Variants in ZNF548 observed in about 807,000 individuals in gnomAD.
ZNF548 encodes the protein zinc finger protein 548.
Under a neutral mutation model 10.2 loss-of-function variants are expected in ZNF548, and 10 were observed. That is an observed-to-expected ratio of 0.98 (90% confidence interval 0.60 to 1.66). ZNF548 has a LOEUF of 1.66. Ranked by LOEUF, ZNF548 falls within the 40% of genes most tolerant of loss-of-function variation. The probability of loss-of-function intolerance (pLI) is 0.00; values close to 1 mark genes in which losing one functional copy is unlikely to be tolerated. For synonymous variants in ZNF548, 217 were observed against 223.5 expected (o/e 0.97, Z 0.26); for missense variants, 599 against 657.0 (o/e 0.91, Z 0.97).
chr19:57,399,274 A>G lies in ZNF548; in HGVS notation c.1023A>G (p.Arg341=). The G allele has an allele frequency of 6.2e-7, 1 of 1,614,112 alleles. No individual in the cohort carries two copies. The highest frequency in any genetic ancestry group is 8.5e-7 in the Non-Finnish European group (1 of 1,179,972). The change falls in exon 4 of 4, where the codon AGA becomes AGG. Residue 341 remains arginine, a synonymous_variant. Transcript: ENST00000336128. The surrounding 1 kb of genome is among the most constrained non-coding windows in gnomAD (Gnocchi z 4.0). The part of the protein sequence containing the change: ...MDSSTLIKHQ[R]VHTGERPYKC... ...GCTCCACACTCATTAAACATCAGAG[A>G]GTTCACACCGGAGAAAGACCTTATA...
rs551004964 is a variant in ZNF548 at position 57,391,482 on chromosome 19, T to C, written c.15+1368T>C. Among the ~76,000 whole-genome samples the C allele has an allele frequency of 2.0e-5, 3 of 152,264 alleles. No individual in the cohort carries two copies. The South Asian group carries it at 6.2e-4, about 32-fold the overall frequency. On this transcript the variant is annotated intron_variant, in intron 1 of 3. Transcript: ENST00000336128. ...TATTTTCCTTTGGGTAGATGCCCAG[T>C]AGTGGAATTGGTGGATTTAATGGCA...
At position 57,398,816 on chromosome 19, in the gene ZNF548, G is replaced by A. The variant is rs369371650; in HGVS notation, c.565G>A (p.Glu189Lys). The change falls in exon 4 of 4, where the codon GAG (glutamate) becomes AAG (lysine). Residue 189 changes from glutamate (E) to lysine (K), a missense_variant. By Grantham distance (56) the Glu-to-Lys change is moderately conservative. Coordinates refer to ENST00000336128, the MANE Select transcript of ZNF548 (RefSeq NM_001172773.2). The part of the protein sequence containing the change: ...CLLQHQGPQS[E>K]WKPYRDTEDR... ...TCTCCAGCACCAGGGCCCTCAAAGCGAGTGGAAGCCATACAGGGACACAGA... is the reference window on the plus strand; with the variant it reads ...TCTCCAGCACCAGGGCCCTCAAAGCAAGTGGAAGCCATACAGGGACACAGA... 1.3e-5 allele frequency: 21 copies of A among 1,613,892 alleles called. No homozygotes were observed. The highest frequency in any genetic ancestry group is 4.4e-5 in the South Asian group (4 of 91,092).
At chr19:57,393,529 G>A (rs989082837) in intron 1 of ZNF548, among the ~76,000 whole-genome samples, 2 of 151,648 alleles carry the variant, frequency 1.3e-5, no homozygotes, top group African/African-American at 2.4e-5. Context: ...GTGTGGTGGC[G>A]CATGCCTGTA....
rs759960638 is a variant in ZNF548 at position 57,398,398 on chromosome 19, C to T, written c.179-32C>T. ...AGCTGCTTCCTCCCACCAGAGTCAA[C>T]ATGCACTTCTCCAGCATTTCTGTTC... On this transcript the variant is annotated intron_variant, in intron 3 of 3. Coordinates refer to ENST00000336128, the MANE Select transcript of ZNF548 (RefSeq NM_001172773.2). The T allele has an allele frequency of 1.2e-5, 20 of 1,602,408 alleles. No homozygotes were observed. The South Asian group carries it at 1.9e-4, about 15-fold the overall frequency.
intron 1 of ZNF548, chr19:57,390,392 C>T (rs2088614816): frequency 2.6e-6 from 1 of 387,524 alleles, no homozygotes; most frequent in East Asian, 3.9e-5. Context: ...GGAATGGCAA[C>T]CTGAGCAGCC....
chr19:57,390,753 G>C (rs2088617764), intron 1 of ZNF548: 1 of 152,260 alleles, frequency 6.6e-6, no homozygotes, highest in Non-Finnish European at 1.5e-5. Flanking sequence ...ATAAAGAGCA[G>C]ATTTCCGGGA....
Position 57,398,919 on chromosome 19 carries a change from C to T in ZNF548, c.668C>T (p.Ser223Leu), listed in dbSNP as rs373292922. The change falls in exon 4 of 4, where the codon TCA becomes TTA. Residue 223 changes from serine to leucine, a missense_variant. Physicochemically the swap from Ser to Leu is moderately radical, Grantham distance 145 (BLOSUM62 -2). Coordinates refer to ENST00000336128, the MANE Select transcript of ZNF548 (RefSeq NM_001172773.2). ...GGGAAAACCTTCACCTGCAGCTATTCATTTGTTGAGCACCAGAAAATCCAC... is the reference window on the plus strand; with the variant it reads ...GGGAAAACCTTCACCTGCAGCTATTTATTTGTTGAGCACCAGAAAATCCAC... ...ECGKTFTCSY[S>L]FVEHQKIHTG... 1.2e-6 allele frequency: 2 copies of T among 1,613,918 alleles called. No individual in the cohort carries two copies. The highest frequency in any genetic ancestry group is 2.7e-5 in the African/African-American group (2 of 74,914).
chr19:57,393,315 T>C (rs911998468), intron 1 of ZNF548, among the ~76,000 whole-genome samples: 1 of 152,136 alleles, frequency 6.6e-6, no homozygotes, highest in African/African-American at 2.4e-5. Flanking sequence ...ACAGTATCTT[T>C]CTAAGTGTGT....
Position 57,394,190 on chromosome 19 carries a change from TC to T in ZNF548, c.22del (p.Leu8TrpfsTer41). 1 of 1,603,966 alleles carries T rather than the reference TC, an allele frequency of 6.2e-7. No homozygotes were observed. The highest frequency in any genetic ancestry group is 1.7e-4 in the Middle Eastern group (1 of 6,058). On this transcript the variant is annotated frameshift_variant, in exon 2 of 4. Coordinates refer to ENST00000336128, the MANE Select transcript of ZNF548 (RefSeq NM_001172773.2). LOFTEE classifies it high-confidence loss of function. ...TCACGGCCTTTCTCTTCCCTCAGGG[TC>T]CCCTGGCGATGGCAGAAATGGACCC... MNLTEGPLAMAEMDPTQ... is the reference protein window; with the variant it reads MNLTEGXLAMAEMDPTQ...
intron 1 of ZNF548, 56 bp downstream of exon 1, chr19:57,390,170 C>T (rs2088612869): frequency 6.3e-7 from 1 of 1,589,206 alleles, no homozygotes; most frequent in Admixed American, 1.7e-5. Context: ...TGCTGAAGCC[C>T]CCTGAAGGGG....
rs1238445203 is a variant in ZNF548, at chr19:57,400,084, C to G, written c.*195C>G. On this transcript the variant is annotated 3_prime_UTR_variant, in exon 4 of 4. Coordinates refer to ENST00000336128, the MANE Select transcript of ZNF548 (RefSeq NM_001172773.2). ...ACTTATATGAGGTACCAATAGATAT[C>G]TATGAATTTGATATATATTTGTACC... 1 of 529,842 alleles carries G rather than the reference C, an allele frequency of 1.9e-6. No individual in the cohort carries two copies. Among genetic ancestry groups the G allele is most frequent in the Non-Finnish European group, 3.3e-6 (1 of 302,756 alleles). 32.8% of individuals were successfully genotyped at this position (529,842 alleles called of 1,614,324 possible). A position where few individuals can be genotyped will look rare whatever the true frequency, so the allele number is the denominator to read the frequency against.
Position 57,402,466 on chromosome 19 carries a change from T to C in ZNF548, c.*2577T>C, listed in dbSNP as rs1177949500. On this transcript the variant is annotated 3_prime_UTR_variant, in exon 4 of 4. Transcript: ENST00000336128. Reference sequence around the variant, plus strand: ...CAGCCTCAGGTTGCTGTTACTGTGTTTCAGATGCAACCCTCTGTGGGACCC... The same window carrying C: ...CAGCCTCAGGTTGCTGTTACTGTGTCTCAGATGCAACCCTCTGTGGGACCC... The C allele has an allele frequency of 1.3e-5, 2 of 152,242 alleles. No individual in the cohort carries two copies. Among genetic ancestry groups the C allele is most frequent in the Non-Finnish European group, 2.9e-5 (2 of 68,040 alleles). 9.4% of individuals were successfully genotyped at this position (152,242 alleles called of 1,614,324 possible). A position where few individuals can be genotyped will look rare whatever the true frequency, so the allele number is the denominator to read the frequency against.
At position 57,398,958 on chromosome 19, in the gene ZNF548, C is replaced by T; in HGVS notation, c.707C>T (p.Ser236Phe). 1 of 1,614,048 alleles carries T rather than the reference C, an allele frequency of 6.2e-7. No individual in the cohort carries two copies. The highest frequency in any genetic ancestry group is 1.7e-5 in the Admixed American group (1 of 60,026). ...CAGAAAATCCACACAGGAGAAAGGTCTTATGAATGTAACAAATGTGGGAAA... is the reference window on the plus strand; with the variant it reads ...CAGAAAATCCACACAGGAGAAAGGTTTTATGAATGTAACAAATGTGGGAAA... ...EHQKIHTGER[S>F]YECNKCGKFF... Residue 236 changes from serine to phenylalanine, a missense_variant, in exon 4 of 4, where the codon TCT becomes TTT. Ser to Phe is a radical substitution (Grantham distance 155). Coordinates refer to ENST00000336128, the MANE Select transcript of ZNF548 (RefSeq NM_001172773.2).
intron 1 of ZNF548, chr19:57,390,340 G>T (rs899310513): frequency 7.1e-6 from 3 of 424,400 alleles, no homozygotes; most frequent in Non-Finnish European, 1.2e-5. Context: ...AGGGGTGTGT[G>T]TTGTTTCTGC....
rs373534114 is a variant in ZNF548, at chr19:57,402,546, A to G, written c.*2657A>G. ...GTAATAAATTGTTCTGATTTTGTGTATCCAAGTGACATTGGGTTGTTTCTT... is the reference window on the plus strand; with the variant it reads ...GTAATAAATTGTTCTGATTTTGTGTGTCCAAGTGACATTGGGTTGTTTCTT... On this transcript the variant is annotated 3_prime_UTR_variant, in exon 4 of 4. Coordinates refer to ENST00000336128, the MANE Select transcript of ZNF548 (RefSeq NM_001172773.2). The G allele has an allele frequency of 5.9e-5, 9 of 152,236 alleles. No homozygotes were observed. The highest frequency in any genetic ancestry group is 5.8e-4 in the East Asian group (3 of 5,202). 9.4% of individuals were successfully genotyped at this position (152,236 alleles called of 1,614,324 possible).
Position 57,398,786 on chromosome 19 carries a change from T to C in ZNF548, c.535T>C (p.Cys179Arg). ...CTGGAAGGACTTACCAGCCACCTCA[T>C]GCCTTCTCCAGCACCAGGGCCCTCA... ...EGWKDLPATS[C>R]LLQHQGPQSE... Residue 179 changes from cysteine to arginine, a missense_variant, in exon 4 of 4, where the codon TGC (cysteine) becomes CGC (arginine). Coordinates refer to ENST00000336128, the MANE Select transcript of ZNF548 (RefSeq NM_001172773.2). 1.2e-6 allele frequency: 2 copies of C among 1,614,012 alleles called. No homozygotes were observed. Among genetic ancestry groups the C allele is most frequent in the Non-Finnish European group, 1.7e-6 (2 of 1,179,888 alleles).
rs1435421147 is a variant in ZNF548 at position 57,402,784 on chromosome 19, C to A, written c.*2895C>A. On this transcript the variant is annotated 3_prime_UTR_variant, in exon 4 of 4. Transcript: ENST00000336128. Reference sequence around the variant, plus strand: ...AGAGAGCCAGCAGTTGAGCCTCCTGCATCTGAACATCCACACTAGGGATAT... The same window carrying A: ...AGAGAGCCAGCAGTTGAGCCTCCTGAATCTGAACATCCACACTAGGGATAT... 1 of 152,216 alleles carries A rather than the reference C, an allele frequency of 6.6e-6. No individual in the cohort carries two copies. Among genetic ancestry groups the A allele is most frequent in the Non-Finnish European group, 1.5e-5 (1 of 68,040 alleles). 9.4% of individuals were successfully genotyped at this position (152,216 alleles called of 1,614,324 possible).
rs2088700547 is a variant in ZNF548 at position 57,399,808 on chromosome 19, CA to C, written c.1558del (p.Met520Ter). On this transcript the variant is annotated frameshift_variant, in exon 4 of 4. Transcript: ENST00000336128. LOFTEE classifies it low-confidence loss of function (END_TRUNC). This position sits in a 1 kb window ranked among gnomAD's most constrained non-coding sequence, Gnocchi z 4.0. ...IHSEERLVCSMNVGNSLAKTP... is the reference protein window; with the variant it reads ...IHSEERLVCSXNVGNSLAKTP... ...ACAGTGAAGAGAGGCTTGTGTGCTCCATGAATGTGGGGAATTCTTTAGCTAA... is the reference window on the plus strand; with the variant it reads ...ACAGTGAAGAGAGGCTTGTGTGCTCCTGAATGTGGGGAATTCTTTAGCTAA... The C allele has an allele frequency of 6.2e-7, 1 of 1,613,796 alleles. No individual in the cohort carries two copies. Among genetic ancestry groups the C allele is most frequent in the Admixed American group, 1.7e-5 (1 of 60,020 alleles).
chr19:57,396,942 T>A (rs2088670064), intron 2 of ZNF548, 106 bp from the exon 3 acceptor site: 2 of 1,464,088 alleles, frequency 1.4e-6, no homozygotes, highest in East Asian at 2.3e-5. Flanking sequence ...GCTGTTAGTT[T>A]GGCCCTGTGT....
Sources: gnomAD v4.1 joint callset for allele counts (sites outside exome capture counted in the v4.1 genomes callset) on GRCh38, gnomAD v4.1.1 for gene constraint, Gnocchi (gnomAD v3.1) non-coding constraint, MANE v1.5 for transcripts, NCBI Gene and HGNC (gene_info 2026-07-23, HGNC 2026-07-21) for gene names.